PHF14: variants seen among roughly 807,000 people sequenced by gnomAD.
PHF14 encodes the protein PHD finger protein 14.
PHF14 carries 55 observed loss-of-function variants against 117.9 expected under a neutral mutation model. The ratio of observed to expected loss-of-function variants is 0.47; its 90% CI spans 0.38 to 0.58. The LOEUF is 0.58. Among genes scored for constraint, PHF14 ranks in the 20% least tolerant of loss-of-function variants. PHF14 has a pLI of 0.00. For missense variants in PHF14, 978 were observed against 1,122.2 expected (o/e 0.87, Z 1.84); for synonymous variants, 409 against 368.6 (o/e 1.11, Z -1.26).
At chr7:10,987,185 GGTTA>G (rs1782253503) in intron 3 of PHF14, among the ~76,000 whole-genome samples, 1 of 152,024 alleles carries the variant, frequency 6.6e-6, no homozygotes, top group Non-Finnish European at 1.5e-5. Context: ...CCTAAAAAAA[GGTTA>G]GTTCTGTAAC....
At chr7:11,124,590 T>C (rs1304619772) in intron 17 of PHF14, among the ~76,000 whole-genome samples, 1 of 151,828 alleles carries the variant, frequency 6.6e-6, no homozygotes, top group Non-Finnish European at 1.5e-5. Flanking sequence ...TTAAGGTGGT[T>C]ATTGTTTTTT....
chr7:11,000,824 TC>T (rs1782843338), intron 4 of PHF14, among the ~76,000 whole-genome samples: 1 of 152,180 alleles, frequency 6.6e-6, no homozygotes, highest in Non-Finnish European at 1.5e-5. Flanking sequence ...CTTTTTATTC[TC>T]TTGAAGGTAT....
intron 6 of PHF14, among the ~76,000 whole-genome samples, chr7:11,027,549 TA>T (rs1258215357): frequency 6.6e-6 from 1 of 152,006 alleles, no homozygotes; most frequent in Admixed American, 6.5e-5. Flanking sequence ...GTTAAAGGAA[TA>T]AAAAAATAAA....
At chr7:11,034,760 G>A (rs1036243021) in intron 7 of PHF14, among the ~76,000 whole-genome samples, 3 of 151,592 alleles carry the variant, frequency 2.0e-5, no homozygotes, top group East Asian at 3.9e-4. Context: ...TGTTGGCCAG[G>A]CTAGTCTCGA....
intron 17 of PHF14, among the ~76,000 whole-genome samples, chr7:11,123,904 C>A (rs1296494670): frequency 6.7e-6 from 1 of 150,034 alleles, no homozygotes; most frequent in African/African-American, 2.5e-5. Context: ...GGTGACAGAG[C>A]GAGACTCCAT....
At chr7:11,106,107 T>A (rs972965274) in intron 16 of PHF14, 5 of 984,230 alleles carry the variant, frequency 5.1e-6, no homozygotes, top group Non-Finnish European at 6.0e-6. Context: ...TATTGTGTAT[T>A]TTTATATGAA....
chr7:11,057,010 T>C (rs1344358303), intron 14 of PHF14, among the ~76,000 whole-genome samples: 1 of 152,024 alleles, frequency 6.6e-6, no homozygotes, highest in East Asian at 1.9e-4. Flanking sequence ...GTTCTATTTT[T>C]ACATATAAGT....
intron 11 of PHF14, among the ~76,000 whole-genome samples, chr7:11,040,447 G>A (rs956345309): frequency 6.6e-6 from 1 of 151,826 alleles, no homozygotes; most frequent in Admixed American, 6.6e-5. Flanking sequence ...TTATGTTTTA[G>A]TGTACCACTG....
chr7:11,133,139 C>A (rs950432064), intron 17 of PHF14, among the ~76,000 whole-genome samples: 3 of 151,842 alleles, frequency 2.0e-5, no homozygotes, highest in African/African-American at 4.8e-5. Context: ...TCAACTTAAA[C>A]TATAGATTCA....
At chr7:11,080,285 A>G (rs1356120297) in intron 16 of PHF14, among the ~76,000 whole-genome samples, 1 of 152,164 alleles carries the variant, frequency 6.6e-6, no homozygotes, top group African/African-American at 2.4e-5. Context: ...AAAAAACTTG[A>G]TAACTTATAT....
At chr7:10,980,687 T>C (rs1455419583) in intron 2 of PHF14, among the ~76,000 whole-genome samples, 2 of 152,200 alleles carry the variant, frequency 1.3e-5, no homozygotes, top group South Asian at 2.1e-4. Flanking sequence ...AGGAGTTTAT[T>C]TGTAGTATTT....
Position 10,983,153 on chromosome 7 carries a change from T to C in PHF14, c.894T>C (p.Ser298=). ...NDSLTLSQSK[S]NEDSLILEKS... The stretch of plus-strand genomic sequence containing the variant: ...GCCTGACCCTATCTCAAAGCAAGAG[T>C]AATGAGGTAGATCAACCCAATTTTT... The change falls in exon 3 of 18, where the codon AGT becomes AGC. Residue 298 remains serine, a synonymous_variant. Coordinates refer to ENST00000634607, the MANE Select transcript of PHF14 (RefSeq NM_001007157.2). 6.3e-7 allele frequency: 1 copy of C among 1,591,466 alleles called. No individual in the cohort carries two copies. Among genetic ancestry groups the C allele is most frequent in the Non-Finnish European group, 8.5e-7 (1 of 1,175,180 alleles).
chr7:11,010,655 CAT>C (rs764088768), intron 4 of PHF14, among the ~76,000 whole-genome samples: 41 of 151,860 alleles, frequency 2.7e-4, no homozygotes, highest in Non-Finnish European at 5.6e-4. Flanking sequence ...TACACACACA[CAT>C]GCATAATCTG....
chr7:11,139,506 A>C (rs1583495757), intron 17 of PHF14, among the ~76,000 whole-genome samples: 1 of 152,328 alleles, frequency 6.6e-6, no homozygotes, highest in East Asian at 1.9e-4. Flanking sequence ...TAATTGTCAC[A>C]CTTTGATGAA....
chr7:11,047,150 C>A (rs377362398), intron 13 of PHF14, among the ~76,000 whole-genome samples: 1 of 151,894 alleles, frequency 6.6e-6, no homozygotes, highest in African/African-American at 2.4e-5. Flanking sequence ...CTCACCGCAA[C>A]TTCTGCCTCC....
chr7:11,082,424 T>C (rs193142733), intron 16 of PHF14, among the ~76,000 whole-genome samples: 2 of 152,336 alleles, frequency 1.3e-5, no homozygotes, highest in African/African-American at 4.8e-5. Context: ...ATTCTCTTTT[T>C]GTTTGTCTAT....
chr7:11,089,106 A>C (rs889255438), intron 16 of PHF14, among the ~76,000 whole-genome samples: 16 of 151,878 alleles, frequency 1.1e-4, no homozygotes, highest in Admixed American at 2.0e-4. Flanking sequence ...AAAAAAAAAA[A>C]ACCGTAGCCC....
intron 13 of PHF14, among the ~76,000 whole-genome samples, chr7:11,044,732 A>G (rs893904657): frequency 6.6e-6 from 1 of 152,204 alleles, no homozygotes; most frequent in Non-Finnish European, 1.5e-5. Flanking sequence ...ACATTTTACT[A>G]TTATCTATGC....
At chr7:11,066,389 A>G (rs1785424692) in intron 16 of PHF14, among the ~76,000 whole-genome samples, 2 of 152,168 alleles carry the variant, frequency 1.3e-5, no homozygotes, top group South Asian at 4.1e-4. Flanking sequence ...CCTCCCGAGT[A>G]GCTGAGACTT....
Sources: gnomAD v4.1 joint callset for allele counts (sites outside exome capture counted in the v4.1 genomes callset) on GRCh38, gnomAD v4.1.1 for gene constraint, MANE v1.5 for transcripts, NCBI Gene and HGNC (gene_info 2026-07-23, HGNC 2026-07-21) for gene names.